CLEC16A: variants seen among roughly 807,000 people sequenced by gnomAD.
CLEC16A encodes protein CLEC16A.
CLEC16A carries 51 observed loss-of-function variants against 109.5 expected under a neutral mutation model. That is an observed-to-expected ratio of 0.47 (90% CI 0.37 to 0.59). The LOEUF (loss-of-function observed/expected upper bound fraction) is 0.59, where lower values mean the gene tolerates loss of function less well. Ranked by LOEUF, CLEC16A falls within the 20% of genes least tolerant of loss-of-function variation. CLEC16A has a pLI of 0.00. For missense variants in CLEC16A, 1,339 were observed against 1,394.0 expected (o/e 0.96, Z 0.63); for synonymous variants, 673 against 564.2 (o/e 1.19, Z -2.73).
At position 11,026,730 on chromosome 16, in the gene CLEC16A, T is replaced by C. The variant is rs1054225689; in HGVS notation, c.1537+1809T>C. Among the ~76,000 whole-genome samples the C allele has an allele frequency of 2.0e-5, 3 of 151,558 alleles. No individual in the cohort carries two copies. In the East Asian group the frequency reaches 5.8e-4, roughly 29 times the overall value. On this transcript the variant is annotated intron_variant, in intron 13 of 23. Transcript: ENST00000409790. The stretch of plus-strand genomic sequence containing the variant: ...ACTTCTTATAAAGAAGCTTTAGGCA[T>C]TGTGGGAAGCACTTTATTGTCCACA...
At chr16:10,945,563 C>CT (rs1419792522) in intron 1 of CLEC16A, among the ~76,000 whole-genome samples, 2 of 152,198 alleles carry the variant, frequency 1.3e-5, no homozygotes, top group Non-Finnish European at 2.9e-5. Context: ...CGTTCAAATC[C>CT]TGAAACCACC....
intron 2 of CLEC16A, 138 bp downstream of exon 2, chr16:10,958,048 TG>T: frequency 2.4e-5 from 17 of 714,626 alleles, no homozygotes; most frequent in Middle Eastern, 3.6e-4. Flanking sequence ...TCTGTCTAGC[TG>T]TAAAAAAAAA....
At chr16:11,031,803 G>A (rs11648865) in intron 13 of CLEC16A, among the ~76,000 whole-genome samples, 12,964 of 152,248 alleles carry the variant, frequency 0.085, 598 homozygotes, top group African/African-American at 0.12. Flanking sequence ...GCAGGCTGAG[G>A]GTAGAGGGTA....
intron 19 of CLEC16A, among the ~76,000 whole-genome samples, chr16:11,077,398 G>A (rs1567285496): frequency 6.6e-6 from 1 of 151,650 alleles, no homozygotes; most frequent in African/African-American, 2.4e-5. Context: ...CTTGAACCAG[G>A]GAGGTGGAGG....
chr16:11,016,320 C>T (rs902942387), intron 11 of CLEC16A, among the ~76,000 whole-genome samples: 6 of 150,870 alleles, frequency 4.0e-5, no homozygotes, highest in Admixed American at 2.0e-4. Context: ...CAGCAGTCTG[C>T]ACCACGTTCG....
chr16:11,144,473 A>G (rs375977277), intron 22 of CLEC16A, among the ~76,000 whole-genome samples: 13 of 152,078 alleles, frequency 8.5e-5, no homozygotes, highest in African/African-American at 2.7e-4. Flanking sequence ...ACAATGGCAA[A>G]GAAAAGCCAC....
intron 9 of CLEC16A, among the ~76,000 whole-genome samples, chr16:10,982,629 C>T (rs980838164): frequency 1.3e-5 from 2 of 152,202 alleles, no homozygotes; most frequent in Non-Finnish European, 2.9e-5. Context: ...GGGACAGTCT[C>T]GCATTAATGC....
At chr16:11,156,917 G>GT (rs1567402725) in intron 22 of CLEC16A, among the ~76,000 whole-genome samples, 1 of 77,306 alleles carries the variant, frequency 1.3e-5, no homozygotes, top group Non-Finnish European at 2.7e-5. Flanking sequence ...CCAAATGCCC[G>GT]CCCCCCCCCC....
chr16:10,967,155 A>G (rs2146248999), intron 3 of CLEC16A, among the ~76,000 whole-genome samples: 1 of 152,266 alleles, frequency 6.6e-6, no homozygotes, highest in East Asian at 1.9e-4. Context: ...TTCTGAATGC[A>G]GTGGCTTTCC....
intron 10 of CLEC16A, among the ~76,000 whole-genome samples, chr16:10,988,890 A>G (rs1415418679): frequency 1.3e-5 from 2 of 152,226 alleles, no homozygotes; most frequent in Non-Finnish European, 2.9e-5. Flanking sequence ...AGATGTTATC[A>G]TTATAATGAC....
At chr16:11,125,890 CAGCCACTA>C in intron 21 of CLEC16A, 81 bp from the exon 22 acceptor site, 1 of 948,500 alleles carries the variant, frequency 1.1e-6, no homozygotes, top group Non-Finnish European at 1.6e-6. Context: ...GGCAGGGCCA[CAGCCACTA>C]CGATGTCCCC....
intron 18 of CLEC16A, 26 bp downstream of exon 18, chr16:11,051,667 T>C: frequency 6.2e-7 from 1 of 1,609,646 alleles, no homozygotes; most frequent in Non-Finnish European, 8.5e-7. Context: ...ACCTGTCATC[T>C]CCTGGGCCAC....
Position 11,113,253 on chromosome 16 carries a change from C to T in CLEC16A, c.2117-7362C>T, listed in dbSNP as rs141373808. On this transcript the variant is annotated intron_variant, in intron 19 of 23. Transcript: ENST00000409790. Reference sequence around the variant, plus strand: ...CTTGGCCTAGTGCTGCTCCCCAACCCTGGCTGGGCCTCATAAAGACCTGAG... The same window carrying T: ...CTTGGCCTAGTGCTGCTCCCCAACCTTGGCTGGGCCTCATAAAGACCTGAG... Among the ~76,000 whole-genome samples the T allele has an allele frequency of 2.8e-4, 43 of 152,382 alleles. No individual in the cohort carries two copies. In the East Asian group the frequency reaches 7.9e-3, roughly 28 times the overall value.
At chr16:11,031,062 C>T (rs80009932) in intron 13 of CLEC16A, among the ~76,000 whole-genome samples, 132 of 152,112 alleles carry the variant, frequency 8.7e-4, no homozygotes, top group South Asian at 7.3e-3. Context: ...TTTTTAATAC[C>T]GCCTTTTCTC....
At chr16:11,172,302 A>C (rs1312081646) in intron 23 of CLEC16A, among the ~76,000 whole-genome samples, 1 of 152,012 alleles carries the variant, frequency 6.6e-6, no homozygotes, top group Non-Finnish European at 1.5e-5. Flanking sequence ...ACACATACAC[A>C]CTCACACATA....
intron 22 of CLEC16A, among the ~76,000 whole-genome samples, chr16:11,134,503 C>G (rs2053445979): frequency 1.3e-5 from 2 of 152,182 alleles, no homozygotes; most frequent in Non-Finnish European, 2.9e-5. Context: ...CTTCCTGCCT[C>G]TAAATCCCAT....
intron 19 of CLEC16A, among the ~76,000 whole-genome samples, chr16:11,116,068 A>T (rs1023515047): frequency 1.6e-4 from 24 of 151,976 alleles, no homozygotes; most frequent in Admixed American, 7.9e-4. Flanking sequence ...TTGGGAAAGG[A>T]AAGAAGGTTC....
At chr16:11,144,012 T>C (rs2153069772) in intron 22 of CLEC16A, among the ~76,000 whole-genome samples, 1 of 152,292 alleles carries the variant, frequency 6.6e-6, no homozygotes, top group East Asian at 1.9e-4. Flanking sequence ...CCCATAATTA[T>C]CAAGCCCATT....
intron 18 of CLEC16A, among the ~76,000 whole-genome samples, chr16:11,057,368 T>A (rs2048263611): frequency 6.6e-6 from 1 of 152,226 alleles, no homozygotes; most frequent in African/African-American, 2.4e-5. Flanking sequence ...ACCGGTGCCA[T>A]CCCGTTGTAC....
Sources: allele counts gnomAD v4.1 joint callset (sites outside exome capture counted in the v4.1 genomes callset), GRCh38; gene constraint gnomAD v4.1.1; transcripts MANE v1.5; gene names NCBI Gene and HGNC (gene_info 2026-07-23, HGNC 2026-07-21).